CARMIL1: variants seen among roughly 807,000 people sequenced by gnomAD.
The protein encoded by CARMIL1 is capping protein regulator and myosin 1 linker 1.
CARMIL1 carries 90 observed loss-of-function variants against 177.1 expected under a neutral mutation model. The observed-to-expected ratio is 0.51, with a 90% confidence interval of 0.43 to 0.61. The LOEUF (loss-of-function observed/expected upper bound fraction) is 0.61. CARMIL1 is among the 20% of genes least tolerant of loss of function. The pLI, the probability that CARMIL1 is intolerant of heterozygous loss-of-function variation, is 0.00. For missense variants in CARMIL1, 1,380 were observed against 1,667.0 expected (o/e 0.83, Z 3.00); for synonymous variants, 577 against 606.2 (o/e 0.95, Z 0.71).
intron 8 of CARMIL1, among the ~76,000 whole-genome samples, chr6:25,454,177 A>C (rs886319023): frequency 6.6e-6 from 1 of 152,352 alleles, no homozygotes; most frequent in South Asian, 2.1e-4. Flanking sequence ...GACCCAAATC[A>C]TCTACTTTTC....
intron 2 of CARMIL1, among the ~76,000 whole-genome samples, chr6:25,400,073 C>T (rs890580324): frequency 1.3e-5 from 2 of 152,158 alleles, no homozygotes; most frequent in Non-Finnish European, 2.9e-5. Flanking sequence ...AGCGCTGTAC[C>T]ATTCACCTTA....
At chr6:25,535,005 C>A (rs2151117401) in intron 24 of CARMIL1, among the ~76,000 whole-genome samples, 1 of 152,206 alleles carries the variant, frequency 6.6e-6, no homozygotes, top group East Asian at 1.9e-4. Flanking sequence ...GTTCAATAGC[C>A]CAGTATATCT....
intron 2 of CARMIL1, among the ~76,000 whole-genome samples, chr6:25,327,384 A>T (rs1364687964): frequency 6.6e-6 from 1 of 152,240 alleles, no homozygotes; most frequent in Non-Finnish European, 1.5e-5. Context: ...TTTGTAGCAT[A>T]GAGATCACTA....
At chr6:25,576,901 T>C in intron 29 of CARMIL1, 1 of 688,052 alleles carries the variant, frequency 1.5e-6, no homozygotes, top group Non-Finnish European at 1.8e-6. Flanking sequence ...TCCCTCTCCC[T>C]CCCCTTTCCT....
rs368276827 is a variant in CARMIL1 at position 25,420,098 on chromosome 6, T to A, written c.139-16T>A. ...TTTTTGGTGCTTATACTGATGCTGC[T>A]GCTTCTGTCTTACAGGTCCTTACAT... On this transcript the variant is annotated splice_polypyrimidine_tract_variant and intron_variant, in intron 2 of 36. Transcript: ENST00000329474. 3.7e-6 allele frequency: 6 copies of A among 1,609,236 alleles called. No individual in the cohort carries two copies. Among genetic ancestry groups the A allele is most frequent in the Non-Finnish European group, 5.1e-6 (6 of 1,175,732 alleles).
intron 26 of CARMIL1, among the ~76,000 whole-genome samples, chr6:25,547,469 A>G (rs1033506834): frequency 3.3e-5 from 5 of 152,350 alleles, no homozygotes; most frequent in Non-Finnish European, 7.3e-5. Flanking sequence ...GATCCAATAA[A>G]TAGACCCATA....
At chr6:25,390,318 ATATTT>A (rs1221109646) in intron 2 of CARMIL1, among the ~76,000 whole-genome samples, 274 of 43,582 alleles carry the variant, frequency 6.3e-3, no homozygotes, top group African/African-American at 0.018. Context: ...ATATATATAT[ATATTT>A]TTTTTTTTTT....
At chr6:25,541,678 G>T (rs1054256934) in intron 26 of CARMIL1, among the ~76,000 whole-genome samples, 2 of 152,010 alleles carry the variant, frequency 1.3e-5, no homozygotes, top group African/African-American at 4.8e-5. Context: ...TTTTGAGATG[G>T]TGTGTAGCTC....
intron 36 of CARMIL1, among the ~76,000 whole-genome samples, chr6:25,618,260 G>GTTT (rs11371576): frequency 1.7e-4 from 25 of 146,810 alleles, no homozygotes; most frequent in East Asian, 1.4e-3. Context: ...AGCAAGATAA[G>GTTT]TTTTTTTTTT....
At chr6:25,283,046 G>T (rs1781263228) in intron 1 of CARMIL1, among the ~76,000 whole-genome samples, 1 of 152,172 alleles carries the variant, frequency 6.6e-6, no homozygotes, top group South Asian at 2.1e-4. Context: ...TATTTTGGAG[G>T]ATAAGTAGAA....
chr6:25,340,783 T>TG (rs1786832841), intron 2 of CARMIL1, among the ~76,000 whole-genome samples: 2 of 95,120 alleles, frequency 2.1e-5, no homozygotes, highest in African/African-American at 5.0e-5. Flanking sequence ...GAAGGTTTTT[T>TG]TTTTTTTTTT....
chr6:25,555,220 G>A (rs550083922), intron 28 of CARMIL1, among the ~76,000 whole-genome samples: 1 of 152,134 alleles, frequency 6.6e-6, no homozygotes, highest in African/African-American at 2.4e-5. Context: ...TTTTAACAGT[G>A]TATTGGTTTG....
intron 2 of CARMIL1, among the ~76,000 whole-genome samples, chr6:25,406,794 GA>G (rs1424752275): frequency 1.3e-5 from 2 of 152,174 alleles, no homozygotes; most frequent in East Asian, 3.9e-4. Context: ...TTGACATGCT[GA>G]ATTTAAGGGT....
At chr6:25,511,910 A>G (rs1205746714) in intron 20 of CARMIL1, among the ~76,000 whole-genome samples, 1 of 152,148 alleles carries the variant, frequency 6.6e-6, no homozygotes, top group African/African-American at 2.4e-5. Context: ...CCTTACCCTC[A>G]TTTGCTAATA....
At chr6:25,589,360 C>T (rs1040034239) in intron 31 of CARMIL1, among the ~76,000 whole-genome samples, 3 of 152,146 alleles carry the variant, frequency 2.0e-5, no homozygotes, top group Non-Finnish European at 2.9e-5. Flanking sequence ...TCAGCTCTTT[C>T]GATGTACTTC....
At position 25,495,268 on chromosome 6, in the gene CARMIL1, C is replaced by T. The variant is rs45447397; in HGVS notation, c.1325+53C>T. On this transcript the variant is annotated intron_variant, in intron 16 of 36. Transcript: ENST00000329474. ...GCTTTTAAAGTTCAACTTATTTTTA[C>T]GAATGTGCTTGAGGGAAGGGAGAAA... 1.6e-4 allele frequency: 195 copies of T among 1,252,716 alleles called. No individual in the cohort carries two copies. In the African/African-American group the frequency reaches 1.7e-3, roughly 11 times the overall value. 77.6% of individuals were successfully genotyped at this position (1,252,716 alleles called of 1,614,324 possible).
At chr6:25,376,705 A>AT (rs947043702) in intron 2 of CARMIL1, among the ~76,000 whole-genome samples, 3 of 151,890 alleles carry the variant, frequency 2.0e-5, no homozygotes, top group Non-Finnish European at 2.9e-5. Context: ...TAATTAATTA[A>AT]TTTTTTTCTG....
intron 2 of CARMIL1, among the ~76,000 whole-genome samples, chr6:25,365,051 G>C (rs1789632542): frequency 6.6e-6 from 1 of 152,036 alleles, no homozygotes; most frequent in African/African-American, 2.4e-5. Flanking sequence ...CTCTTCCTCT[G>C]TACTCAAAAT....
chr6:25,418,673 A>AT (rs1795573261), intron 2 of CARMIL1, among the ~76,000 whole-genome samples: 1 of 152,200 alleles, frequency 6.6e-6, no homozygotes. Flanking sequence ...TGCCTGTAGC[A>AT]TTGAGAAGGC....
Sources: allele counts gnomAD v4.1 joint callset (sites outside exome capture counted in the v4.1 genomes callset), GRCh38; gene constraint gnomAD v4.1.1; transcripts MANE v1.5; gene names NCBI Gene and HGNC (gene_info 2026-07-23, HGNC 2026-07-21).